ATP2B2: variants seen among roughly 807,000 people sequenced by gnomAD.
ATP2B2 encodes plasma membrane calcium-transporting ATPase 2.
Under a neutral mutation model 120.0 loss-of-function variants are expected in ATP2B2, and 15 were observed. The ratio of observed to expected loss-of-function variants is 0.12; its 90% CI spans 0.08 to 0.19. The LOEUF is 0.19. Ranked by LOEUF, ATP2B2 falls within the 10% of genes least tolerant of loss-of-function variation. The pLI, the probability that ATP2B2 is intolerant of heterozygous loss-of-function variation, is 1.00. For missense variants in ATP2B2, 1,045 were observed against 1,719.8 expected (o/e 0.61, Z 6.94); for synonymous variants, 694 against 700.3 (o/e 0.99, Z 0.14).
At position 10,342,766 on chromosome 3, in the gene ATP2B2, G is replaced by A. The variant is rs1333691245; in HGVS notation, c.2903C>T (p.Thr968Ile). ...HAVYQLALIF[T>I]LLFVGEKMFQ... ...GAGGCGCTCACCAACAAAGAGCAGG[G>A]TGAAGATGAGGGCAAGCTGGTAGAC... The change falls in exon 19 of 23, where the codon ACC becomes ATC. Residue 968 changes from threonine (T) to isoleucine (I), a missense_variant. By Grantham distance (89) the Thr-to-Ile change is moderately conservative. Around this residue, in one of 11 missense-constraint regions of ATP2B2, gnomAD observed 211 missense variants for 385.1 expected, o/e 0.55. Coordinates refer to ENST00000360273, the MANE Select transcript of ATP2B2 (RefSeq NM_001001331.4). The surrounding 1 kb of genome is among the most constrained non-coding windows in gnomAD (Gnocchi z 4.4). 6.2e-7 allele frequency: 1 copy of A among 1,614,174 alleles called. No homozygotes were observed. Among genetic ancestry groups the A allele is most frequent in the Middle Eastern group, 1.6e-4 (1 of 6,062 alleles).
At chr3:10,628,706 G>C (rs2069778394) in intron 1 of ATP2B2, among the ~76,000 whole-genome samples, 1 of 152,146 alleles carries the variant, frequency 6.6e-6, no homozygotes, top group African/African-American at 2.4e-5. Flanking sequence ...CCTCTTTCCT[G>C]CATCCCTTTG....
At chr3:10,559,274 G>A (rs1339814216) in intron 2 of ATP2B2, among the ~76,000 whole-genome samples, 1 of 152,192 alleles carries the variant, frequency 6.6e-6, no homozygotes, top group Non-Finnish European at 1.5e-5. Flanking sequence ...GGAGGATGGG[G>A]AGAGGTTAGT....
chr3:10,348,140 C>T (rs976861839), intron 16 of ATP2B2, among the ~76,000 whole-genome samples: 4 of 152,274 alleles, frequency 2.6e-5, no homozygotes, highest in East Asian at 1.9e-4. Context: ...TCTCCCTCCT[C>T]GCTCGATGTC....
intron 1 of ATP2B2, among the ~76,000 whole-genome samples, chr3:10,661,204 C>T (rs1415424880): frequency 6.6e-6 from 1 of 152,010 alleles, no homozygotes; most frequent in African/African-American, 2.4e-5. Context: ...AGGATGCCCT[C>T]TCTCACCACT....
At chr3:10,693,398 C>A (rs748301668) in intron 1 of ATP2B2, among the ~76,000 whole-genome samples, 1 of 152,176 alleles carries the variant, frequency 6.6e-6, no homozygotes, top group Non-Finnish European at 1.5e-5. Context: ...ATGTGACAGG[C>A]CTGCTCTGGT....
intron 1 of ATP2B2, among the ~76,000 whole-genome samples, chr3:10,481,485 C>T (rs2065410519): frequency 6.6e-6 from 1 of 152,144 alleles, no homozygotes; most frequent in African/African-American, 2.4e-5. Context: ...CTGAACACCC[C>T]ATCAAAAATA....
intron 2 of ATP2B2, among the ~76,000 whole-genome samples, chr3:10,611,128 G>A (rs543686950): frequency 2.2e-4 from 34 of 152,208 alleles, no homozygotes; most frequent in Non-Finnish European, 3.4e-4. Context: ...AGGAGGCACC[G>A]TCTGCCTGTT....
chr3:10,484,716 A>C (rs1364453154), intron 1 of ATP2B2, among the ~76,000 whole-genome samples: 1 of 152,142 alleles, frequency 6.6e-6, no homozygotes, highest in Non-Finnish European at 1.5e-5. Context: ...TGCGCAGTGC[A>C]CCAGTACATT....
rs113483903 is a variant in ATP2B2 at position 10,595,072 on chromosome 3, G to C, written c.-415+24845C>G. Among the ~76,000 whole-genome samples, 456 of 152,346 alleles carry C rather than the reference G, an allele frequency of 3.0e-3. 5 individuals are homozygous for C. The highest frequency in any genetic ancestry group is 0.01 in the African/African-American group (431 of 41,578). Reference sequence around the variant, plus strand: ...ATTTCGGGAGCCCCCAGCTGATCAGGACCTTGGATAGCTCCAGGTGCCTCT... The same window carrying C: ...ATTTCGGGAGCCCCCAGCTGATCAGCACCTTGGATAGCTCCAGGTGCCTCT... On this transcript the variant is annotated intron_variant, in intron 2 of 21. Coordinates refer to the ATP2B2 transcript ENST00000646379.
intron 1 of ATP2B2, among the ~76,000 whole-genome samples, chr3:10,683,758 G>GTGTATATATA (rs1287643302): frequency 3.0e-5 from 1 of 33,636 alleles, no homozygotes; most frequent in Non-Finnish European, 6.0e-5. Context: ...ATGTGTGTGT[G>GTGTATATATA]TGTATATATA....
At chr3:10,330,920 CT>C (rs2059961916) in intron 22 of ATP2B2, among the ~76,000 whole-genome samples, 2 of 152,212 alleles carry the variant, frequency 1.3e-5, no homozygotes, top group Non-Finnish European at 2.9e-5. Context: ...TTAACATAAG[CT>C]TTGTCAATTA....
At position 10,378,351 on chromosome 3, in the gene ATP2B2, C is replaced by T. The variant is rs1444840288; in HGVS notation, c.1102G>A (p.Gly368Ser). The change falls in exon 10 of 23, where the codon GGC (glycine) becomes AGC (serine). Residue 368 changes from glycine to serine, a missense_variant. By Grantham distance (56) the Gly-to-Ser change is moderately conservative (BLOSUM62 0). Around this residue, in one of 11 missense-constraint regions of ATP2B2, gnomAD observed 145 missense variants for 202.0 expected, o/e 0.72. Coordinates refer to ENST00000360273, the MANE Select transcript of ATP2B2 (RefSeq NM_001001331.4). ...EMQPLKSAEGGDADDRKKASM... is the reference protein window; with the variant it reads ...EMQPLKSAEGSDADDRKKASM... The stretch of plus-strand genomic sequence containing the variant: ...GCCTTCTTCCTGTCGTCAGCGTCGC[C>T]GCCCTCGGCACTCTTGAGGGGCTGC... The T allele has an allele frequency of 5.6e-6, 9 of 1,607,000 alleles. No homozygotes were observed. Among genetic ancestry groups the T allele is most frequent in the South Asian group, 4.4e-5 (4 of 91,086 alleles).
At chr3:10,333,086 G>A (rs143667516) in intron 22 of ATP2B2, among the ~76,000 whole-genome samples, 224 of 152,222 alleles carry the variant, frequency 1.5e-3, no homozygotes, top group Non-Finnish European at 2.3e-3. Context: ...GGTGCCGTGG[G>A]GAGGGGAGGG....
chr3:10,378,072 A>C lies in ATP2B2; in HGVS notation c.1201+180T>G, dbSNP rs139370939. ...CACTCTTCTGTATCACTGAGTGCTA[A>C]TGGAGTGCCTTCTGTACACAGGACT... is the stretch of plus-strand genomic sequence containing the variant. On this transcript the variant is annotated intron_variant, in intron 10 of 22. Transcript: ENST00000360273. Among the ~76,000 whole-genome samples, 177 of 152,372 alleles carry C rather than the reference A, an allele frequency of 1.2e-3. 6 individuals are homozygous for C. In the South Asian group the frequency reaches 0.028, roughly 24 times the overall value.
chr3:10,485,654 G>A (rs1275266379), intron 1 of ATP2B2, among the ~76,000 whole-genome samples: 2 of 152,230 alleles, frequency 1.3e-5, no homozygotes. Context: ...ACGCGGGAGT[G>A]GAGTGGGGAG....
In ATP2B2 at chr3:10,342,997, T is replaced by G. The variant is rs2060324246; in HGVS notation, c.2704-32A>C. On this transcript the variant is annotated intron_variant, in intron 18 of 22. Transcript: ENST00000360273. The surrounding 1 kb of genome is among the most constrained non-coding windows in gnomAD (Gnocchi z 4.4). ...ACGGGCAGGAGAGGGCTGTCACCTGTGCGCCCACCTGCTGCTGTGAAGTGC... is the reference window on the plus strand; with the variant it reads ...ACGGGCAGGAGAGGGCTGTCACCTGGGCGCCCACCTGCTGCTGTGAAGTGC... The G allele has an allele frequency of 1.2e-6, 2 of 1,601,508 alleles. No homozygotes were observed. Among genetic ancestry groups the G allele is most frequent in the South Asian group, 1.1e-5 (1 of 90,736 alleles).
chr3:10,373,657 T>C (rs552720934), intron 11 of ATP2B2, among the ~76,000 whole-genome samples: 1 of 152,344 alleles, frequency 6.6e-6, no homozygotes, highest in South Asian at 2.1e-4. Context: ...CTGGGTTAAG[T>C]ACATTATTAA....
intron 2 of ATP2B2, among the ~76,000 whole-genome samples, chr3:10,617,669 T>A (rs880402): frequency 0.19 from 28,531 of 152,218 alleles, 3,052 homozygotes; most frequent in East Asian, 0.49. Flanking sequence ...GGCTTAGCCG[T>A]TATTCCAGAG....
chr3:10,582,171 A>G (rs1281012730), intron 2 of ATP2B2, among the ~76,000 whole-genome samples: 2 of 152,116 alleles, frequency 1.3e-5, no homozygotes, highest in African/African-American at 4.8e-5. Context: ...GTCCAGGGAG[A>G]AATCCTTAGT....
Sources: allele counts gnomAD v4.1 joint callset (sites outside exome capture counted in the v4.1 genomes callset), GRCh38; gene constraint gnomAD v4.1.1; regional missense constraint gnomAD v4.1.1; non-coding constraint Gnocchi (gnomAD v3.1); transcripts MANE v1.5; gene names NCBI Gene and HGNC (gene_info 2026-07-23, HGNC 2026-07-21).